The following NCKAP1 variants were observed in gnomAD, a reference collection of about 807,000 sequenced individuals.
NCKAP1 encodes nck-associated protein 1.
A neutral mutation model predicts 151.2 loss-of-function variants in NCKAP1; 21 were observed. The observed-to-expected ratio is 0.14, with a 90% CI of 0.10 to 0.20. The LOEUF (loss-of-function observed/expected upper bound fraction) is 0.20. NCKAP1 is among the 10% of genes least tolerant of loss of function. The pLI, the probability that NCKAP1 is intolerant of heterozygous loss-of-function variation, is 1.00. For synonymous variants in NCKAP1, 484 were observed against 451.8 expected, an observed-to-expected ratio of 1.07 and a Z score of -0.90; for missense variants, 933 against 1,352.1, an observed-to-expected ratio of 0.69 and a Z score of 4.86.
intron 2 of NCKAP1, among the ~76,000 whole-genome samples, chr2:183,013,813 A>G (rs951362328): frequency 1.3e-5 from 2 of 152,106 alleles, no homozygotes; most frequent in Non-Finnish European, 2.9e-5. Flanking sequence ...CGTCCCCTTC[A>G]ATCATCTACT....
chr2:182,998,573 T>C (rs530170021), intron 6 of NCKAP1, among the ~76,000 whole-genome samples: 31 of 152,226 alleles, frequency 2.0e-4, no homozygotes, highest in African/African-American at 7.0e-4. Context: ...CTCATACCTA[T>C]AATCTCAGCA....
intron 2 of NCKAP1, among the ~76,000 whole-genome samples, chr2:183,006,011 T>C (rs1055198594): frequency 5.9e-5 from 9 of 152,218 alleles, no homozygotes; most frequent in African/African-American, 2.2e-4. Context: ...CTATCTTCTA[T>C]TATAGCTATC....
intron 26 of NCKAP1, among the ~76,000 whole-genome samples, chr2:182,931,660 A>C (rs1204955268): frequency 1.3e-5 from 2 of 152,116 alleles, no homozygotes; most frequent in East Asian, 3.8e-4. Flanking sequence ...AACCCCCAAA[A>C]ACAGATAAAA....
chr2:182,928,658 G>T, intron 28 of NCKAP1, 125 bp downstream of exon 28: 1 of 609,250 alleles, frequency 1.6e-6, no homozygotes, highest in South Asian at 2.7e-5. Context: ...TGCAGTTTAG[G>T]AAAAGGGAAA....
chr2:182,991,348 A>G (rs1698167621), intron 8 of NCKAP1, among the ~76,000 whole-genome samples: 1 of 152,198 alleles, frequency 6.6e-6, no homozygotes. Context: ...ACTTGAGGTC[A>G]GGAGTTTGAG....
chr2:183,013,251 T>C (rs1698622650), intron 2 of NCKAP1, among the ~76,000 whole-genome samples: 1 of 152,130 alleles, frequency 6.6e-6, no homozygotes, highest in Admixed American at 6.6e-5. Flanking sequence ...CAATTGGCTA[T>C]TTGATATCTC....
intron 18 of NCKAP1, among the ~76,000 whole-genome samples, chr2:182,959,445 A>G (rs368123829): frequency 3.1e-4 from 47 of 152,320 alleles, no homozygotes; most frequent in African/African-American, 1.1e-3. Flanking sequence ...ATGCAAATCA[A>G]TAAATGTAAT....
In NCKAP1 at chr2:182,926,965, T is replaced by C. The variant is rs527900084; in HGVS notation, c.3181-60A>G. On this transcript the variant is annotated intron_variant, in intron 29 of 30. Coordinates refer to ENST00000361354, the MANE Select transcript of NCKAP1 (RefSeq NM_013436.5). Reference sequence around the variant, plus strand: ...TAATAAAAGGTTCATCGGTTACTTATTTTAGGTATGTTTCAACTTCCAACA... The same window carrying C: ...TAATAAAAGGTTCATCGGTTACTTACTTTAGGTATGTTTCAACTTCCAACA... 103 of 1,159,680 alleles carry C rather than the reference T, an allele frequency of 8.9e-5. 1 individual carries two copies. The South Asian group carries it at 1.2e-3, about 14-fold the overall frequency. 71.8% of individuals were successfully genotyped at this position (1,159,680 alleles called of 1,614,324 possible). A position where few individuals can be genotyped will look rare whatever the true frequency, so the allele number is the denominator to read the frequency against.
At chr2:183,018,275 T>C (rs981731907) in intron 2 of NCKAP1, among the ~76,000 whole-genome samples, 1 of 151,996 alleles carries the variant, frequency 6.6e-6, no homozygotes, top group Non-Finnish European at 1.5e-5. Context: ...AGAACAATGA[T>C]ACCTTAAGAT....
chr2:182,931,076 T>G (rs553461799), intron 26 of NCKAP1, among the ~76,000 whole-genome samples: 1 of 152,116 alleles, frequency 6.6e-6, no homozygotes, highest in Non-Finnish European at 1.5e-5. Context: ...CTTGGAAGCA[T>G]GAATATAAAA....
chr2:182,925,876 A>G, intron 30 of NCKAP1, 58 bp from the exon 31 acceptor site: 1 of 885,866 alleles, frequency 1.1e-6, no homozygotes, highest in Non-Finnish European at 1.7e-6. Context: ...TATAAACAAA[A>G]ATCATAAGTT....
At position 182,928,791 on chromosome 2, in the gene NCKAP1, G is replaced by C. The variant is rs1336606957; in HGVS notation, c.3062C>G (p.Ala1021Gly). The C allele has an allele frequency of 1.9e-6, 3 of 1,590,046 alleles. No homozygotes were observed. The Admixed American group carries it at 5.2e-5, about 28-fold the overall frequency. ...TTTTAAACCACTATTACCTTCTATA[G>C]CAGGGCTGTACTGAGACATCACATT... ...ASNVMSQYSP[A>G]IEGHCNNIHC... Residue 1021 changes from alanine (A) to glycine (G), a missense_variant, in exon 28 of 31, where the codon GCT (alanine) becomes GGT (glycine). By Grantham distance (60) the Ala-to-Gly change is moderately conservative. Transcript: ENST00000361354.
intron 23 of NCKAP1, among the ~76,000 whole-genome samples, chr2:182,943,701 A>C (rs1177892215): frequency 1.3e-5 from 2 of 152,160 alleles, no homozygotes; most frequent in African/African-American, 4.8e-5. Flanking sequence ...AAATACTGAT[A>C]TATGTTTAAT....
chr2:182,983,713 G>T (rs1697987619), intron 10 of NCKAP1, among the ~76,000 whole-genome samples: 1 of 152,104 alleles, frequency 6.6e-6, no homozygotes, highest in South Asian at 2.1e-4. Context: ...GTACCATGTA[G>T]CTTTAAGCAC....
At chr2:182,951,466 C>T (rs1395434064) in intron 23 of NCKAP1, among the ~76,000 whole-genome samples, 3 of 151,128 alleles carry the variant, frequency 2.0e-5, no homozygotes, top group Non-Finnish European at 4.4e-5. Flanking sequence ...GTCAGGAGTT[C>T]GAGACCAGCC....
rs759179119 is a variant in NCKAP1, at chr2:183,002,993, C to A, written c.350G>T (p.Cys117Phe). ...ACTTACAATATCAAAGAAGACTTGG[C>A]AAACGTCAATAGTATTCAGCAATTC... ...VCELLNTIDV[C>F]QVFFDITVNF... The change falls in exon 4 of 31, where the codon TGC (cysteine) becomes TTC (phenylalanine). Residue 117 changes from cysteine to phenylalanine, a missense_variant. Cys to Phe is a radical substitution (Grantham distance 205). Coordinates refer to ENST00000361354, the MANE Select transcript of NCKAP1 (RefSeq NM_013436.5). 2.4e-5 allele frequency: 39 copies of A among 1,607,722 alleles called. No individual in the cohort carries two copies. In the East Asian group the frequency reaches 8.3e-4, roughly 34 times the overall value.
Position 182,913,299 on chromosome 2 carries a change from A to G in NCKAP1, c.*12403T>C, listed in dbSNP as rs976848070. 2.6e-5 allele frequency: 4 copies of G among 152,280 alleles called. No homozygotes were observed. Among genetic ancestry groups the G allele is most frequent in the African/African-American group, 9.6e-5 (4 of 41,466 alleles). 9.4% of individuals were successfully genotyped at this position (152,280 alleles called of 1,614,324 possible). ...TCCCCGAAAAGTTCATGTGTTGGAA[A>G]TTTGGTCCCCAGTGCAGCAGTGTTG... On this transcript the variant is annotated 3_prime_UTR_variant, in exon 31 of 31. Coordinates refer to ENST00000361354, the MANE Select transcript of NCKAP1 (RefSeq NM_013436.5).
intron 15 of NCKAP1, among the ~76,000 whole-genome samples, chr2:182,968,777 T>G (rs1697627161): frequency 6.6e-6 from 1 of 152,202 alleles, no homozygotes; most frequent in South Asian, 2.1e-4. Context: ...AGGAGCTCCA[T>G]ATCTTCTTGC....
chr2:182,979,390 T>C (rs1031167436), intron 13 of NCKAP1, among the ~76,000 whole-genome samples: 6 of 152,114 alleles, frequency 3.9e-5, no homozygotes, highest in Admixed American at 3.3e-4. Flanking sequence ...GTTGTCTGTA[T>C]GTTAGGCCTC....
Sources: allele counts gnomAD v4.1 joint callset (sites outside exome capture counted in the v4.1 genomes callset), GRCh38; gene constraint gnomAD v4.1.1; transcripts MANE v1.5; gene names NCBI Gene and HGNC (gene_info 2026-07-23, HGNC 2026-07-21).